PKD1L1: variants seen among roughly 807,000 people sequenced by gnomAD.
The protein encoded by PKD1L1 is polycystin-1-like protein 1.
A neutral mutation model predicts 323.4 loss-of-function variants in PKD1L1; 236 were observed. The observed-to-expected ratio is 0.73, with a 90% CI of 0.66 to 0.81. The LOEUF is 0.81. Ranked by LOEUF, PKD1L1 falls within the 40% of genes least tolerant of loss-of-function variation. The pLI, the probability that PKD1L1 is intolerant of heterozygous loss-of-function variation, is 0.00. For missense variants in PKD1L1, 3,320 were observed against 3,508.0 expected, an observed-to-expected ratio of 0.95 and a Z score of 1.35; for synonymous variants, 1,344 against 1,335.0, an observed-to-expected ratio of 1.01 and a Z score of -0.15.
At chr7:47,960,312 T>TGG in the PKD1L1 span, among the ~76,000 whole-genome samples, 1 of 144,192 alleles carries the variant, frequency 6.9e-6, no homozygotes, top group Non-Finnish European at 1.5e-5. Flanking sequence ...CCTCCACTAT[T>TGG]GTCCTATGAC....
At chr7:47,884,182 G>A (rs1383882645) in intron 19 of PKD1L1, among the ~76,000 whole-genome samples, 1 of 149,914 alleles carries the variant, frequency 6.7e-6, no homozygotes, top group Admixed American at 6.6e-5. Context: ...GGGTTGGGGG[G>A]AAGGCGGGGG....
intron 14 of PKD1L1, among the ~76,000 whole-genome samples, chr7:47,897,603 G>A (rs374135244): frequency 5.2e-4 from 79 of 152,300 alleles, no homozygotes; most frequent in African/African-American, 1.8e-3. Flanking sequence ...GGCAGTCACC[G>A]TGAGTGCCTC....
chr7:47,877,150 C>T (rs1786424047), intron 22 of PKD1L1, among the ~76,000 whole-genome samples: 1 of 152,084 alleles, frequency 6.6e-6, no homozygotes, highest in Non-Finnish European at 1.5e-5. Context: ...GGCTCCTCTC[C>T]TCACTTTGGG....
chr7:47,913,781 A>G (rs1443999336), intron 8 of PKD1L1, among the ~76,000 whole-genome samples: 1 of 152,236 alleles, frequency 6.6e-6, no homozygotes, highest in Non-Finnish European at 1.5e-5. Flanking sequence ...ATCCAGTGTC[A>G]GGTATTTCTT....
intron 52 of PKD1L1, among the ~76,000 whole-genome samples, chr7:47,805,843 T>C (rs944880430): frequency 6.6e-6 from 1 of 152,340 alleles, no homozygotes; most frequent in Non-Finnish European, 1.5e-5. Context: ...ATGGGTGGCA[T>C]ACTAGTACCT....
chr7:47,932,307 G>A (rs536237228), intron 4 of PKD1L1, among the ~76,000 whole-genome samples: 1 of 152,150 alleles, frequency 6.6e-6, no homozygotes, highest in African/African-American at 2.4e-5. Context: ...CTTATTAAAC[G>A]ATTGACTAAA....
intron 9 of PKD1L1, among the ~76,000 whole-genome samples, chr7:47,906,612 T>G (rs1418289170): frequency 6.6e-6 from 1 of 152,134 alleles, no homozygotes; most frequent in African/African-American, 2.4e-5. Context: ...CTGTGATGTC[T>G]AAGAAGATTT....
upstream of PKD1L1, among the ~76,000 whole-genome samples, chr7:47,951,669 T>A (rs573610119): frequency 3.3e-5 from 5 of 152,368 alleles, no homozygotes; most frequent in Admixed American, 6.5e-5. Context: ...GCAATTGTTC[T>A]CACATGGGTT....
intron 5 of PKD1L1, 54 bp from the exon 6 acceptor site, chr7:47,931,375 G>A (rs1787769217): frequency 1.3e-6 from 2 of 1,577,106 alleles, no homozygotes; most frequent in Non-Finnish European, 1.7e-6. Context: ...TCTGGCATCA[G>A]TAGCTGATGT....
intron 7 of PKD1L1, among the ~76,000 whole-genome samples, chr7:47,923,745 T>C (rs1190170134): frequency 6.6e-6 from 1 of 152,072 alleles, no homozygotes; most frequent in Non-Finnish European, 1.5e-5. Flanking sequence ...ATGAATACTA[T>C]GTTAGAAAAC....
intron 41 of PKD1L1, among the ~76,000 whole-genome samples, chr7:47,832,483 G>A (rs1187953552): frequency 6.6e-6 from 1 of 152,218 alleles, no homozygotes; most frequent in Non-Finnish European, 1.5e-5. Context: ...ATAGCTGCAC[G>A]CACAGGCCTT....
At chr7:47,793,307 C>T (rs1786996239) in intron 55 of PKD1L1, among the ~76,000 whole-genome samples, 1 of 152,086 alleles carries the variant, frequency 6.6e-6, no homozygotes, top group African/African-American at 2.4e-5. Flanking sequence ...TGTCCCCATT[C>T]AAATCTCAAC....
At chr7:47,880,856 C>G in intron 20 of PKD1L1, 51 bp from the exon 21 acceptor site, 1 of 1,447,246 alleles carries the variant, frequency 6.9e-7, no homozygotes, top group Non-Finnish European at 9.5e-7. Flanking sequence ...GTCTCAAGGA[C>G]AGAGGTCACA....
chr7:47,858,399 A>C (rs1785950272), intron 27 of PKD1L1, among the ~76,000 whole-genome samples: 1 of 152,226 alleles, frequency 6.6e-6, no homozygotes, highest in Non-Finnish European at 1.5e-5. Context: ...AATGTTTCTG[A>C]GTCAAACATC....
Position 47,843,103 on chromosome 7 carries a change from G to T in PKD1L1, c.5304C>A (p.Val1768=). 8 of 1,613,552 alleles carry T rather than the reference G, an allele frequency of 5.0e-6. No individual in the cohort carries two copies. The highest frequency in any genetic ancestry group is 6.8e-6 in the Non-Finnish European group (8 of 1,179,808). ...MGSVILYGFL[V]AKSRQVDHHE... is the part of the protein sequence containing the mutation. ...GATGATCTACTTGTCTACTTTTAGC[G>T]ACCAAAAATCCATAAAGAATCACAG... The change falls in exon 34 of 57, where the codon GTC becomes GTA. Residue 1768 remains valine (V), a synonymous_variant. Transcript: ENST00000289672.
chr7:47,927,734 A>T (rs1787682549), intron 7 of PKD1L1, among the ~76,000 whole-genome samples: 1 of 152,218 alleles, frequency 6.6e-6, no homozygotes, highest in South Asian at 2.1e-4. Flanking sequence ...TATCATATTG[A>T]TCTCTACATC....
Position 47,858,810 on chromosome 7 carries a change from ATGGCCCCGAGAAC to A in PKD1L1, c.4212_4224del (p.Gln1404HisfsTer3), listed in dbSNP as rs1785959715. On this transcript the variant is annotated frameshift_variant, in exon 27 of 57. Transcript: ENST00000289672. LOFTEE classifies it high-confidence loss of function. ...AGCCTCACTCCTTTGTCAATCACAAATGGCCCCGAGAACTGGCCTTGAGCAAGGAGTGCCCGGG... is the reference window on the plus strand; with the variant it reads ...AGCCTCACTCCTTTGTCAATCACAAATGGCCTTGAGCAAGGAGTGCCCGGG... 1 of 1,614,076 alleles carries A rather than the reference ATGGCCCCGAGAAC, an allele frequency of 6.2e-7. No homozygotes were observed. The highest frequency in any genetic ancestry group is 1.3e-5 in the African/African-American group (1 of 74,940).
chr7:47,870,986 A>G (rs1299067797), intron 24 of PKD1L1, among the ~76,000 whole-genome samples: 1 of 80,520 alleles, frequency 1.2e-5, no homozygotes, highest in Non-Finnish European at 3.0e-5. Context: ...AAAAAAAAGA[A>G]AAAAAAAAAA....
At chr7:47,820,495 C>T (rs1785116368) in intron 46 of PKD1L1, among the ~76,000 whole-genome samples, 2 of 152,100 alleles carry the variant, frequency 1.3e-5, no homozygotes, top group Admixed American at 6.6e-5. Context: ...GAGGCCGAGG[C>T]GGGTGGATCA....
Sources: gnomAD v4.1 joint callset for allele counts (sites outside exome capture counted in the v4.1 genomes callset) on GRCh38, gnomAD v4.1.1 for gene constraint, MANE v1.5 for transcripts, NCBI Gene and HGNC (gene_info 2026-07-23, HGNC 2026-07-21) for gene names.